The following MAST2 variants were observed in gnomAD, a reference collection of about 807,000 sequenced individuals.
The protein encoded by MAST2 is microtubule associated serine/threonine kinase 2, also known as microtubule-associated serine/threonine-protein kinase 2.
In MAST2, 70 loss-of-function variants were observed where a neutral mutation model predicts 147.4. That is an observed-to-expected ratio of 0.47 (90% CI 0.39 to 0.58). The LOEUF (loss-of-function observed/expected upper bound fraction) is 0.58. Among genes scored for constraint, MAST2 ranks in the 20% least tolerant of loss-of-function variants. The pLI, the probability that MAST2 is intolerant of heterozygous loss-of-function variation, is 0.00. For missense variants in MAST2, 2,080 were observed against 2,302.3 expected (o/e 0.90, Z 1.98); for synonymous variants, 869 against 896.8 (o/e 0.97, Z 0.55).
At chr1:45,922,157 G>C (rs7519181) in intron 4 of MAST2, among the ~76,000 whole-genome samples, 51,562 of 152,046 alleles carry the variant, frequency 0.34, 9,132 homozygotes, top group African/African-American at 0.43. Flanking sequence ...CTGAGTCCAG[G>C]GGCTTTTATG....
chr1:45,939,995 T>TTTTTTGTTTTTTTTGTTTTTG (rs1656977830), intron 4 of MAST2, among the ~76,000 whole-genome samples: 1 of 141,908 alleles, frequency 7.0e-6, no homozygotes, highest in South Asian at 2.3e-4. Flanking sequence ...TTTTTTTTTT[T>TTTTTTGTTTTTTTTGTTTTTG]TTTTTTGAGA....
chr1:46,027,977 A>C, intron 17 of MAST2, 114 bp downstream of exon 17: 1 of 1,303,364 alleles, frequency 7.7e-7, no homozygotes, highest in Non-Finnish European at 1.1e-6. Flanking sequence ...GGATCGCTTG[A>C]GGCCAGCCTG....
chr1:46,028,656 G>T, intron 17 of MAST2, 112 bp from the exon 18 acceptor site: 1 of 1,101,692 alleles, frequency 9.1e-7, no homozygotes, highest in South Asian at 1.4e-5. Flanking sequence ...AAGGTGGGCT[G>T]AGTCTTCATT....
intron 1 of MAST2, among the ~76,000 whole-genome samples, chr1:45,820,893 CT>C (rs769508054): frequency 0.019 from 825 of 43,090 alleles, 5 homozygotes; most frequent in African/African-American, 0.075. Context: ...CTTTCTTTCT[CT>C]TTTTTTTTTT....
At chr1:45,890,031 C>A (rs1647473933) in intron 4 of MAST2, among the ~76,000 whole-genome samples, 2 of 152,086 alleles carry the variant, frequency 1.3e-5, no homozygotes, top group Admixed American at 6.5e-5. Context: ...GGCATGAGCC[C>A]CCGTGCCCAG....
chr1:45,884,791 T>C (rs558101755), intron 4 of MAST2, among the ~76,000 whole-genome samples: 1 of 152,336 alleles, frequency 6.6e-6, no homozygotes, highest in Non-Finnish European at 1.5e-5. Flanking sequence ...TAATATAGGC[T>C]TTGCCACTAA....
chr1:45,839,361 C>T (rs1645205023), intron 3 of MAST2, among the ~76,000 whole-genome samples: 1 of 152,130 alleles, frequency 6.6e-6, no homozygotes, highest in Non-Finnish European at 1.5e-5. Flanking sequence ...AACTCCTGAC[C>T]TCGTGATCTG....
intron 1 of MAST2, among the ~76,000 whole-genome samples, chr1:45,813,053 T>C (rs1644350576): frequency 6.6e-6 from 1 of 152,172 alleles, no homozygotes; most frequent in Non-Finnish European, 1.5e-5. Flanking sequence ...ATCTATAAAA[T>C]GGCATAGTAT....
chr1:46,002,415 C>T (rs1645311183), intron 6 of MAST2, among the ~76,000 whole-genome samples: 1 of 152,150 alleles, frequency 6.6e-6, no homozygotes, highest in Non-Finnish European at 1.5e-5. Context: ...TAACACGGAG[C>T]CTTCACAAAT....
chr1:45,989,748 T>C (rs1228169675), intron 5 of MAST2, among the ~76,000 whole-genome samples: 1 of 53,712 alleles, frequency 1.9e-5, no homozygotes, highest in East Asian at 5.4e-3. Context: ...TTGTCCCTCA[T>C]CATTTCCCGC....
intron 5 of MAST2, among the ~76,000 whole-genome samples, chr1:45,994,781 C>G (rs1387454161): frequency 6.6e-6 from 1 of 152,098 alleles, no homozygotes; most frequent in Non-Finnish European, 1.5e-5. Context: ...AAATTCTTTA[C>G]TACACAACAG....
At chr1:45,971,443 C>G (rs145949464) in intron 5 of MAST2, among the ~76,000 whole-genome samples, 11 of 152,302 alleles carry the variant, frequency 7.2e-5, no homozygotes, top group Admixed American at 2.0e-4. Context: ...GCCTGGAGCA[C>G]ACAGTATCTT....
chr1:45,816,117 TAGG>T (rs752332820), intron 1 of MAST2, among the ~76,000 whole-genome samples: 40 of 151,398 alleles, frequency 2.6e-4, no homozygotes, highest in South Asian at 1.7e-3. Context: ...CAAGCACAGA[TAGG>T]AGATCTGGAA....
intron 5 of MAST2, among the ~76,000 whole-genome samples, chr1:45,971,237 CA>C (rs1643901802): frequency 6.6e-6 from 1 of 152,124 alleles, no homozygotes; most frequent in Non-Finnish European, 1.5e-5. Flanking sequence ...TTGCCCAGAC[CA>C]AAGCTGGTCC....
At chr1:45,973,162 C>T (rs1643990460) in intron 5 of MAST2, among the ~76,000 whole-genome samples, 1 of 151,630 alleles carries the variant, frequency 6.6e-6, no homozygotes, top group Admixed American at 6.6e-5. Flanking sequence ...TTTTTTCAGT[C>T]TGTTTGTGAG....
chr1:45,978,311 C>A (rs1477648830), intron 5 of MAST2, among the ~76,000 whole-genome samples: 2 of 152,178 alleles, frequency 1.3e-5, no homozygotes, highest in Admixed American at 6.5e-5. Flanking sequence ...GCCAGAAGTT[C>A]AAGACCAGCC....
intron 5 of MAST2, among the ~76,000 whole-genome samples, chr1:45,974,529 C>T (rs551839228): frequency 6.6e-5 from 10 of 152,026 alleles, no homozygotes; most frequent in South Asian, 4.2e-4. Context: ...CTGAGGAGTT[C>T]GAGGCTGCAG....
chr1:45,945,249 T>A (rs1470364625), intron 4 of MAST2, among the ~76,000 whole-genome samples: 2 of 152,200 alleles, frequency 1.3e-5, no homozygotes, highest in Non-Finnish European at 2.9e-5. Flanking sequence ...TATAGTGGAC[T>A]GAGATTGCAC....
At chr1:45,817,103 A>G (rs1644479705) in intron 1 of MAST2, among the ~76,000 whole-genome samples, 1 of 152,194 alleles carries the variant, frequency 6.6e-6, no homozygotes, top group Non-Finnish European at 1.5e-5. Context: ...TAGCCTCCAA[A>G]AGGCAAATCT....
Sources: gnomAD v4.1 joint callset for allele counts (sites outside exome capture counted in the v4.1 genomes callset) on GRCh38, gnomAD v4.1.1 for gene constraint, MANE v1.5 for transcripts, NCBI Gene and HGNC (gene_info 2026-07-23, HGNC 2026-07-21) for gene names.